The following ABHD6 variants were observed in gnomAD, a reference collection of about 807,000 sequenced individuals.
The protein encoded by ABHD6 is abhydrolase domain containing 6, acylglycerol lipase, also known as monoacylglycerol lipase ABHD6.
Under a neutral mutation model 38.8 loss-of-function variants are expected in ABHD6, and 33 were observed. The ratio of observed to expected loss-of-function variants is 0.85; its 90% confidence interval spans 0.64 to 1.14. The LOEUF is 1.14. Among genes scored for constraint, ABHD6 ranks in the 50% most tolerant of loss-of-function variants. The pLI is 0.00. For missense variants in ABHD6, 380 were observed against 422.6 expected, an observed-to-expected ratio of 0.90 and a Z score of 0.88; for synonymous variants, 147 against 161.6, an observed-to-expected ratio of 0.91 and a Z score of 0.69.
rs757897106 is a variant in ABHD6 at position 58,269,463 on chromosome 3, C to T, written c.390+29C>T. ...AGCAGGAGGCTCTACCAAAGATTGC[C>T]CAGACTGTCTCAGCCACCATTACAT... is the stretch of plus-strand genomic sequence containing the variant. On this transcript the variant is annotated intron_variant, in intron 5 of 9. Transcript: ENST00000478253. This position sits in a 1 kb window ranked among gnomAD's most constrained non-coding sequence, Gnocchi z 4.4. The T allele has an allele frequency of 6.4e-7, 1 of 1,554,658 alleles. No individual in the cohort carries two copies. The highest frequency in any genetic ancestry group is 8.9e-7 in the Non-Finnish European group (1 of 1,128,398).
At chr3:58,240,090 T>C (rs201181448) in intron 1 of ABHD6, among the ~76,000 whole-genome samples, 2 of 151,884 alleles carry the variant, frequency 1.3e-5, no homozygotes, top group East Asian at 3.9e-4. Context: ...AGGTCAAGGC[T>C]GCAGTGAGCT....
In ABHD6 at chr3:58,242,466, T is replaced by C. The variant is rs1012465746; in HGVS notation, c.-91+4550T>C. ...TGAGCAGAGTGAAGGAATGCCTGCA[T>C]TGACACTGGTGGGGCAGCCCTGTTG... On this transcript the variant is annotated intron_variant, in intron 1 of 9. Transcript: ENST00000478253. Among the ~76,000 whole-genome samples, 4 of 152,222 alleles carry C rather than the reference T, an allele frequency of 2.6e-5. No homozygotes were observed. The East Asian group carries it at 5.8e-4, about 22-fold the overall frequency.
Position 58,269,528 on chromosome 3 carries a change from C to A in ABHD6, c.390+94C>A. ...AGCAGGGAAGGGAGTCCTGTGCTAC[C>A]TCATGACCAGTCTCCTGTACATTCT... On this transcript the variant is annotated intron_variant, in intron 5 of 9. Transcript: ENST00000478253. The surrounding 1 kb of genome is among the most constrained non-coding windows in gnomAD (Gnocchi z 4.4). The A allele has an allele frequency of 1.1e-6, 1 of 915,030 alleles. No individual in the cohort carries two copies. Among genetic ancestry groups the A allele is most frequent in the South Asian group, 1.5e-5 (1 of 67,464 alleles). 56.7% of individuals were successfully genotyped at this position (915,030 alleles called of 1,614,324 possible).
chr3:58,252,702 G>A (rs1402544631), intron 2 of ABHD6, among the ~76,000 whole-genome samples: 1 of 152,144 alleles, frequency 6.6e-6, no homozygotes, highest in African/African-American at 2.4e-5. Context: ...CCATGCTTTG[G>A]GAAACTCAAG....
chr3:58,269,265 T>C lies in ABHD6; in HGVS notation c.277-56T>C. 7.2e-7 allele frequency: 1 copy of C among 1,385,696 alleles called. No homozygotes were observed. The highest frequency in any genetic ancestry group is 1.0e-6 in the Non-Finnish European group (1 of 979,656). The allele number at this position is 1,385,696 out of a possible 1,614,324, so 85.8% of individuals were successfully genotyped here. On this transcript the variant is annotated intron_variant, in intron 4 of 9. Coordinates refer to ENST00000478253, the MANE Select transcript of ABHD6 (RefSeq NM_001320126.2). This position sits in a 1 kb window ranked among gnomAD's most constrained non-coding sequence, Gnocchi z 4.4. ...TACATGGGGCAACCTCCCAAGAAAA[T>C]GGGCAGACATGTTTTGCACACCACA... is the stretch of plus-strand genomic sequence containing the variant.
intron 9 of ABHD6, among the ~76,000 whole-genome samples, chr3:58,289,539 A>G (rs2107479593): frequency 6.6e-6 from 1 of 151,824 alleles, no homozygotes; most frequent in East Asian, 1.9e-4. Context: ...TTCAGAGAGC[A>G]CAGGGTTGCG....
chr3:58,245,178 G>C (rs1194148773), intron 1 of ABHD6, among the ~76,000 whole-genome samples: 1 of 151,190 alleles, frequency 6.6e-6, no homozygotes. Context: ...TTTTTGTTTT[G>C]TTTTGAGACG....
intron 9 of ABHD6, among the ~76,000 whole-genome samples, chr3:58,289,843 G>C (rs1339059190): frequency 6.9e-6 from 1 of 144,426 alleles, no homozygotes; most frequent in Non-Finnish European, 1.5e-5. Flanking sequence ...CACCCGGACA[G>C]GGCGGCTGGC....
chr3:58,270,091 A>G (rs1575524355), intron 5 of ABHD6, among the ~76,000 whole-genome samples: 2 of 152,160 alleles, frequency 1.3e-5, no homozygotes, highest in Admixed American at 6.5e-5. Flanking sequence ...TAGATATCCA[A>G]TGAATATTTT....
chr3:58,256,833 G>A lies in ABHD6; in HGVS notation c.119+128G>A. ...TTTCAGACAGAGAGAAAAGTTGAAAGGTACTCATCCTGTTTGGAATTTTGG... is the reference window on the plus strand; with the variant it reads ...TTTCAGACAGAGAGAAAAGTTGAAAAGTACTCATCCTGTTTGGAATTTTGG... On this transcript the variant is annotated intron_variant, in intron 3 of 9. Transcript: ENST00000478253. This position sits in a 1 kb window ranked among gnomAD's most constrained non-coding sequence, Gnocchi z 4.3. 2.6e-6 allele frequency: 2 copies of A among 779,754 alleles called. No individual in the cohort carries two copies. Among genetic ancestry groups the A allele is most frequent in the Non-Finnish European group, 4.2e-6 (2 of 472,018 alleles). 48.3% of individuals were successfully genotyped at this position (779,754 alleles called of 1,614,324 possible).
intron 1 of ABHD6, among the ~76,000 whole-genome samples, chr3:58,249,635 C>T (rs1003043681): frequency 2.6e-5 from 4 of 152,216 alleles, no homozygotes; most frequent in Admixed American, 6.5e-5. Flanking sequence ...TCAATTCTTC[C>T]TAGTCCTGGC....
rs1338542742 is a variant in ABHD6, at chr3:58,267,720, A to G, written c.276+375A>G. On this transcript the variant is annotated intron_variant, in intron 4 of 9. Coordinates refer to ENST00000478253, the MANE Select transcript of ABHD6 (RefSeq NM_001320126.2). This position sits in a 1 kb window ranked among gnomAD's most constrained non-coding sequence, Gnocchi z 4.3. ...AGAAAAGGGTTTCCACTAGGACATG[A>G]TGTCATCAACAATGGTAGAAAGCAA... Among the ~76,000 whole-genome samples the G allele has an allele frequency of 6.6e-6, 1 of 152,138 alleles. No homozygotes were observed. Among genetic ancestry groups the G allele is most frequent in the Admixed American group, 6.6e-5 (1 of 15,266 alleles).
At chr3:58,240,246 A>AT (rs1491244245) in intron 1 of ABHD6, among the ~76,000 whole-genome samples, 5 of 149,948 alleles carry the variant, frequency 3.3e-5, no homozygotes, top group Admixed American at 1.3e-4. Flanking sequence ...CTTTAAAAAA[A>AT]TTTTTTTTTT....
chr3:58,271,116 C>G, intron 6 of ABHD6, 52 bp downstream of exon 6: 2 of 1,535,768 alleles, frequency 1.3e-6, no homozygotes, highest in Non-Finnish European at 1.7e-6. Flanking sequence ...CCTGAAGAAA[C>G]AAGTAGCTAG....
Position 58,266,694 on chromosome 3 carries a change from A to G in ABHD6, c.120-495A>G, listed in dbSNP as rs1466655454. On this transcript the variant is annotated intron_variant, in intron 3 of 9. Coordinates refer to ENST00000478253, the MANE Select transcript of ABHD6 (RefSeq NM_001320126.2). This position sits in a 1 kb window ranked among gnomAD's most constrained non-coding sequence, Gnocchi z 4.0. ...TCTTGGAGGGATTCACCATGCAGAGAGTTCAATTTGTTTAGATGGTAATTT... is the reference window on the plus strand; with the variant it reads ...TCTTGGAGGGATTCACCATGCAGAGGGTTCAATTTGTTTAGATGGTAATTT... 6.6e-6 allele frequency among the ~76,000 whole-genome samples: 1 copy of G among 152,132 alleles called. No individual in the cohort carries two copies. Among genetic ancestry groups the G allele is most frequent in the Non-Finnish European group, 1.5e-5 (1 of 68,018 alleles).
chr3:58,246,227 G>A (rs530907173), intron 1 of ABHD6, among the ~76,000 whole-genome samples: 12 of 152,170 alleles, frequency 7.9e-5, no homozygotes, highest in East Asian at 3.8e-4. Context: ...TTGTATTTCT[G>A]TAGGGCTGTC....
intron 7 of ABHD6, among the ~76,000 whole-genome samples, chr3:58,277,033 G>A (rs1042152251): frequency 1.3e-5 from 2 of 152,212 alleles, no homozygotes; most frequent in Admixed American, 6.5e-5. Flanking sequence ...AGTATAGTTT[G>A]AAGTCAGGTA....
At chr3:58,240,108 C>T (rs566919475) in intron 1 of ABHD6, among the ~76,000 whole-genome samples, 79 of 151,902 alleles carry the variant, frequency 5.2e-4, no homozygotes, top group African/African-American at 1.7e-3. Flanking sequence ...GCTGAGATTG[C>T]TCCACTGCAC....
At chr3:58,275,952 T>C (rs1403644330) in intron 7 of ABHD6, among the ~76,000 whole-genome samples, 4 of 152,208 alleles carry the variant, frequency 2.6e-5, no homozygotes, top group Admixed American at 2.6e-4. Context: ...GAACTCATCC[T>C]TTTTATGGCT....
Sources: allele counts gnomAD v4.1 joint callset (sites outside exome capture counted in the v4.1 genomes callset), GRCh38; gene constraint gnomAD v4.1.1; non-coding constraint Gnocchi (gnomAD v3.1); transcripts MANE v1.5; gene names NCBI Gene and HGNC (gene_info 2026-07-23, HGNC 2026-07-21).